The following FSD1L variants were observed in gnomAD, a reference collection of about 807,000 sequenced individuals.
FSD1L encodes fibronectin type III and SPRY domain containing 1 like, also known as FSD1-like protein.
In FSD1L, 45 loss-of-function variants were observed where a neutral mutation model predicts 71.6. The ratio of observed to expected loss-of-function variants is 0.63; its 90% confidence interval spans 0.49 to 0.81. FSD1L has a LOEUF of 0.81. Ranked by LOEUF, FSD1L falls within the 30% of genes least tolerant of loss-of-function variation. The pLI is 0.00. For missense variants in FSD1L, 561 were observed against 618.1 expected, an observed-to-expected ratio of 0.91 and a Z score of 0.98; for synonymous variants, 197 against 207.2, an observed-to-expected ratio of 0.95 and a Z score of 0.42.
intron 7 of FSD1L, among the ~76,000 whole-genome samples, chr9:105,490,187 G>T (rs1402339169): frequency 6.6e-6 from 1 of 152,112 alleles, no homozygotes; most frequent in Non-Finnish European, 1.5e-5. Context: ...ACTTTTTAAT[G>T]ATTGCCATTC....
intron 1 of FSD1L, among the ~76,000 whole-genome samples, chr9:105,461,264 C>T (rs532364146): frequency 4.6e-5 from 7 of 151,646 alleles, no homozygotes; most frequent in East Asian, 1.9e-4. Context: ...AGCTTCTAGC[C>T]GTAATGTGGT....
At chr9:105,524,467 A>G (rs920403484) in intron 10 of FSD1L, 9 of 1,613,426 alleles carry the variant, frequency 5.6e-6, no homozygotes, top group African/African-American at 1.3e-5. Context: ...TTACCTCTAA[A>G]GACACTGCTC....
chr9:105,448,289 G>T, intron 1 of FSD1L, 54 bp downstream of exon 1: 2 of 1,482,034 alleles, frequency 1.3e-6, no homozygotes, highest in Non-Finnish European at 1.8e-6. Context: ...CCGGCACAGG[G>T]TGGGCGGGGC....
At chr9:105,511,381 T>C (rs966678374) in intron 9 of FSD1L, among the ~76,000 whole-genome samples, 4 of 152,100 alleles carry the variant, frequency 2.6e-5, no homozygotes, top group Admixed American at 2.6e-4. Flanking sequence ...ATGTAGAAGC[T>C]CTCACATGCA....
chr9:105,524,262 T>G, intron 10 of FSD1L: 1 of 1,612,512 alleles, frequency 6.2e-7, no homozygotes, highest in South Asian at 1.1e-5. Flanking sequence ...CCACGTAGCT[T>G]GTAACATGCT....
rs549769786 is a variant in FSD1L, at chr9:105,530,863, C to A, written c.1026-3630C>A. On this transcript the variant is annotated intron_variant, in intron 10 of 13. Coordinates refer to ENST00000481272, the MANE Select transcript of FSD1L (RefSeq NM_001145313.3). Reference sequence around the variant, plus strand: ...AGGTGTTCCTTAATTGATAGTATCACATACTCTACTCAGCTGAGCTCATTC... The same window carrying A: ...AGGTGTTCCTTAATTGATAGTATCAAATACTCTACTCAGCTGAGCTCATTC... 39 of 364,838 alleles carry A rather than the reference C, an allele frequency of 1.1e-4. 1 individual carries two copies. In the East Asian group the frequency reaches 1.3e-3, roughly 12 times the overall value. 22.6% of individuals were successfully genotyped at this position (364,838 alleles called of 1,614,324 possible). A position where few individuals can be genotyped will look rare whatever the true frequency, so the allele number is the denominator to read the frequency against.
At chr9:105,513,741 C>T (rs529353821) in intron 10 of FSD1L, 4 of 765,952 alleles carry the variant, frequency 5.2e-6, no homozygotes, top group African/African-American at 1.8e-5. Context: ...TTGCGGCAGC[C>T]TTCATAAGCT....
intron 13 of FSD1L, among the ~76,000 whole-genome samples, chr9:105,545,900 T>C (rs1300961562): frequency 2.0e-5 from 3 of 152,044 alleles, no homozygotes; most frequent in African/African-American, 7.2e-5. Context: ...GTTAACACGG[T>C]AAGGAAGAAA....
At chr9:105,471,470 C>A (rs1187114481) in intron 4 of FSD1L, among the ~76,000 whole-genome samples, 1 of 152,074 alleles carries the variant, frequency 6.6e-6, no homozygotes, top group Non-Finnish European at 1.5e-5. Flanking sequence ...GAGCATTCAT[C>A]TTTAGAGCAG....
intron 10 of FSD1L, chr9:105,526,408 T>G: frequency 6.2e-7 from 1 of 1,613,368 alleles, no homozygotes; most frequent in East Asian, 2.2e-5. Flanking sequence ...TTCTACCCAG[T>G]GAAACTCCCA....
chr9:105,454,127 A>G (rs186500453), intron 1 of FSD1L, among the ~76,000 whole-genome samples: 24 of 152,332 alleles, frequency 1.6e-4, no homozygotes, highest in Admixed American at 1.6e-3. Context: ...AAACCACTCA[A>G]TTCTGCCACC....
chr9:105,452,608 C>A (rs1830079084), intron 1 of FSD1L, among the ~76,000 whole-genome samples: 1 of 150,916 alleles, frequency 6.6e-6, no homozygotes, highest in Admixed American at 6.6e-5. Flanking sequence ...CTCCCTCCCT[C>A]CCTCCTGTGG....
At chr9:105,505,031 T>C (rs564787794) in intron 7 of FSD1L, among the ~76,000 whole-genome samples, 1 of 152,356 alleles carries the variant, frequency 6.6e-6, no homozygotes, top group Non-Finnish European at 1.5e-5. Flanking sequence ...CAGTGATACA[T>C]TATTAGCTAA....
chr9:105,452,876 A>G (rs1830126356), intron 1 of FSD1L, among the ~76,000 whole-genome samples: 1 of 151,950 alleles, frequency 6.6e-6, no homozygotes, highest in Non-Finnish European at 1.5e-5. Flanking sequence ...CTGGGACTAC[A>G]GGTGCATGCC....
intron 7 of FSD1L, among the ~76,000 whole-genome samples, chr9:105,501,317 T>C (rs1833746419): frequency 6.6e-6 from 1 of 152,176 alleles, no homozygotes; most frequent in Admixed American, 6.5e-5. Flanking sequence ...GTCCTCTTCT[T>C]TTCTATTTGA....
intron 7 of FSD1L, among the ~76,000 whole-genome samples, chr9:105,485,687 A>T (rs962466000): frequency 5.3e-5 from 8 of 150,824 alleles, no homozygotes; most frequent in Non-Finnish European, 8.9e-5. Flanking sequence ...TCTGTCACCC[A>T]GGCTGGACTG....
At chr9:105,463,311 G>C (rs1830842175) in intron 2 of FSD1L, among the ~76,000 whole-genome samples, 1 of 152,074 alleles carries the variant, frequency 6.6e-6, no homozygotes, top group Admixed American at 6.5e-5. Flanking sequence ...ACAGAAAAAA[G>C]TCCTATGCTT....
intron 1 of FSD1L, among the ~76,000 whole-genome samples, chr9:105,450,719 A>T (rs1350340504): frequency 3.3e-5 from 5 of 151,466 alleles, no homozygotes; most frequent in Admixed American, 3.3e-4. Context: ...TTTTTAGTAG[A>T]GACGGGGTTT....
intron 10 of FSD1L, among the ~76,000 whole-genome samples, chr9:105,530,323 A>G (rs527802466): frequency 1.3e-5 from 2 of 152,166 alleles, no homozygotes; most frequent in Admixed American, 6.5e-5. Flanking sequence ...GGAGGAGATC[A>G]TGCTTGACAT....
Sources: gnomAD v4.1 joint callset for allele counts (sites outside exome capture counted in the v4.1 genomes callset) on GRCh38, gnomAD v4.1.1 for gene constraint, MANE v1.5 for transcripts, NCBI Gene and HGNC (gene_info 2026-07-23, HGNC 2026-07-21) for gene names.